Variants in BAHCC1 observed in about 807,000 individuals in gnomAD.
BAHCC1 encodes the protein BAH and coiled-coil domain-containing protein 1.
BAHCC1 carries 43 observed loss-of-function variants against 88.2 expected under a neutral mutation model. The observed-to-expected ratio is 0.49, with a 90% CI of 0.38 to 0.63. The LOEUF is 0.63. Ranked by LOEUF, BAHCC1 falls within the 20% of genes least tolerant of loss-of-function variation. The probability of loss-of-function intolerance (pLI) is 0.00; values close to 1 mark genes in which losing one functional copy is unlikely to be tolerated. For synonymous variants in BAHCC1, 1,510 were observed against 745.5 expected (o/e 2.03, Z -16.71); for missense variants, 3,023 against 1,654.8 (o/e 1.83, Z -14.34).
chr17:81,404,129 G>C (rs782788228), intron 2 of BAHCC1, among the ~76,000 whole-genome samples: 11 of 152,150 alleles, frequency 7.2e-5, no homozygotes, highest in Admixed American at 2.0e-4. Context: ...AGCCCCCACA[G>C]ACAGGACAAA....
At chr17:81,409,421 G>T (rs1281728997) in intron 2 of BAHCC1, among the ~76,000 whole-genome samples, 1 of 152,256 alleles carries the variant, frequency 6.6e-6, no homozygotes, top group Non-Finnish European at 1.5e-5. Flanking sequence ...AAGTGCGTGT[G>T]AATGGAGGGA....
At chr17:81,441,081 A>G (rs1214813659) in intron 4 of BAHCC1, among the ~76,000 whole-genome samples, 1 of 151,470 alleles carries the variant, frequency 6.6e-6, no homozygotes, top group East Asian at 1.9e-4. Context: ...CCGAAAATCC[A>G]CTGCCTGCCC....
chr17:81,424,322 G>C (rs1034903515), intron 2 of BAHCC1, among the ~76,000 whole-genome samples: 37 of 152,362 alleles, frequency 2.4e-4, no homozygotes, highest in Admixed American at 1.8e-3. Context: ...TGACCCTGGT[G>C]CCTCATGTAT....
rs375191474 is a variant in BAHCC1 at position 81,399,128 on chromosome 17, AGTGTGTGTGTGTGTGT to A, written c.-206-396_-206-381del. The A allele has an allele frequency of 8.9e-6, 2 of 224,236 alleles. No homozygotes were observed. The highest frequency in any genetic ancestry group is 5.3e-5 in the African/African-American group (2 of 38,010). The allele number at this position is 224,236 out of a possible 1,614,324, so 13.9% of individuals were successfully genotyped here. The stretch of plus-strand genomic sequence containing the variant: ...GGGGAGGGGAGAGGGTGTGCGTGTG[AGTGTGTGTGTGTGTGT>A]GTGTGTGTGCGAGTGTGCGTGATGG... On this transcript the variant is annotated intron_variant, in intron 1 of 27. Transcript: ENST00000675386. This position sits in a 1 kb window ranked among gnomAD's most constrained non-coding sequence, Gnocchi z 4.5.
intron 3 of BAHCC1, among the ~76,000 whole-genome samples, chr17:81,428,603 A>C (rs1444370819): frequency 6.6e-6 from 1 of 151,940 alleles, no homozygotes; most frequent in Non-Finnish European, 1.5e-5. Flanking sequence ...ACCCTGGGGG[A>C]CCCCAGCAGC....
intron 2 of BAHCC1, among the ~76,000 whole-genome samples, chr17:81,413,742 G>A (rs1274816070): frequency 4.6e-5 from 7 of 152,254 alleles, no homozygotes; most frequent in Admixed American, 6.5e-5. Context: ...GGCTCAGGGC[G>A]CGGGTGCGTG....
intron 14 of BAHCC1, among the ~76,000 whole-genome samples, chr17:81,453,304 C>G (rs1361542325): frequency 6.6e-6 from 1 of 152,270 alleles, no homozygotes. Flanking sequence ...TGGCGCACTC[C>G]CGGGCCTGGT....
At chr17:81,396,459 CAT>C (rs1388915528) in intron 1 of BAHCC1, 1 of 152,090 alleles carries the variant, frequency 6.6e-6, no homozygotes, top group African/African-American at 2.4e-5. Context: ...CCCCAGTTCT[CAT>C]GACTCTCCCA....
chr17:81,457,610 CAG>C lies in BAHCC1; in HGVS notation c.5041+19_5041+20del, dbSNP rs782497435. Reference sequence around the variant, plus strand: ...GTTGCTAGGTAACCAGGAGGGAGGACAGGGGTTGCTAGGTAACCAGGAGGGAG... The same window carrying C: ...GTTGCTAGGTAACCAGGAGGGAGGACGGGTTGCTAGGTAACCAGGAGGGAG... On this transcript the variant is annotated intron_variant, in intron 17 of 27. Coordinates refer to ENST00000675386, the MANE Select transcript of BAHCC1 (RefSeq NM_001377448.1). 1.0e-4 allele frequency: 72 copies of C among 701,314 alleles called. 1 individual carries two copies. The highest frequency in any genetic ancestry group is 6.0e-4 in the African/African-American group (34 of 56,832). The allele number at this position is 701,314 out of a possible 1,614,324, so 43.4% of individuals were successfully genotyped here.
At chr17:81,417,403 G>C (rs1258681917) in intron 2 of BAHCC1, among the ~76,000 whole-genome samples, 2 of 152,102 alleles carry the variant, frequency 1.3e-5, no homozygotes, top group African/African-American at 4.8e-5. Flanking sequence ...GAGCGGGTGA[G>C]AGACATGGGA....
At position 81,462,802 on chromosome 17, in the gene BAHCC1, G is replaced by A. The variant is rs782230733; in HGVS notation, c.7446G>A (p.Glu2482=). 3.8e-6 allele frequency: 3 copies of A among 780,274 alleles called. No homozygotes were observed. The highest frequency in any genetic ancestry group is 1.3e-5 in the South Asian group (1 of 74,608). The allele number at this position is 780,274 out of a possible 1,614,324, so 48.3% of individuals were successfully genotyped here. Residue 2482 remains glutamate, a synonymous_variant, in exon 27 of 28, where the codon GAG becomes GAA. Transcript: ENST00000675386. ...ACAAGGCCATCGTGCGGGGCGAGGA[G>A]ACCCTGCGTGTCGGGGACTGTGCCG... The part of the protein sequence containing the change: ...LFYKAIVRGE[E]TLRVGDCAVF...
intron 16 of BAHCC1, among the ~76,000 whole-genome samples, chr17:81,457,101 C>T (rs1398904432): frequency 2.6e-5 from 4 of 152,006 alleles, no homozygotes; most frequent in Non-Finnish European, 5.9e-5. Flanking sequence ...GCCATCTGGG[C>T]GGAGGACAGC....
chr17:81,460,790 A>G (rs1304918378), intron 25 of BAHCC1, 76 bp from the exon 26 acceptor site: 2 of 772,660 alleles, frequency 2.6e-6, no homozygotes, highest in Non-Finnish European at 4.8e-6. Context: ...TGGGGTAGGC[A>G]GGGTCCGGGG....
At chr17:81,397,587 G>T (rs1313481863) in intron 1 of BAHCC1, among the ~76,000 whole-genome samples, 1 of 151,946 alleles carries the variant, frequency 6.6e-6, no homozygotes, top group African/African-American at 2.4e-5. Context: ...GCCCTCCGGG[G>T]CTCGGGAGGC....
At chr17:81,408,349 C>G (rs1056994279) in intron 2 of BAHCC1, among the ~76,000 whole-genome samples, 1 of 152,068 alleles carries the variant, frequency 6.6e-6, no homozygotes, top group Non-Finnish European at 1.5e-5. Context: ...GCCTGGGGTC[C>G]TAGAGGTTCC....
chr17:81,412,490 C>T (rs993753242), intron 2 of BAHCC1, among the ~76,000 whole-genome samples: 2 of 152,214 alleles, frequency 1.3e-5, no homozygotes, highest in African/African-American at 4.8e-5. Flanking sequence ...TCCAAAGTGC[C>T]TAAGTCTGGA....
Position 81,452,769 on chromosome 17 carries a change from C to T in BAHCC1, c.4363C>T (p.Pro1455Ser). The change falls in exon 14 of 28, where the codon CCG becomes TCG. Residue 1455 changes from proline (P) to serine (S), a missense_variant. Coordinates refer to ENST00000675386, the MANE Select transcript of BAHCC1 (RefSeq NM_001377448.1). ...CCCTGCACGGCGGGGGCCTGGCCGG[C>T]CGAGGAAGCGCAAACACTCAAGCTC... is the stretch of plus-strand genomic sequence containing the variant. ...RSPARRGPGR[P>S]RKRKHSSSLP... 1 of 744,174 alleles carries T rather than the reference C, an allele frequency of 1.3e-6. No individual in the cohort carries two copies. The allele number at this position is 744,174 out of a possible 1,614,324, so 46.1% of individuals were successfully genotyped here. A position where few individuals can be genotyped will look rare whatever the true frequency, so the allele number is the denominator to read the frequency against.
intron 2 of BAHCC1, chr17:81,406,777 G>A (rs1264476240): frequency 8.9e-5 from 37 of 416,280 alleles, no homozygotes; most frequent in African/African-American, 7.4e-4. Flanking sequence ...GCAGGCGCTG[G>A]GGGCAGGCGG....
chr17:81,422,841 G>A (rs1555649756), intron 2 of BAHCC1: 1 of 396,028 alleles, frequency 2.5e-6, no homozygotes, highest in East Asian at 9.0e-5. Flanking sequence ...AGGGTGTGGG[G>A]GTGGGAAGGC....
Sources: gnomAD v4.1 joint callset for allele counts (sites outside exome capture counted in the v4.1 genomes callset) on GRCh38, gnomAD v4.1.1 for gene constraint, Gnocchi (gnomAD v3.1) non-coding constraint, MANE v1.5 for transcripts, NCBI Gene and HGNC (gene_info 2026-07-23, HGNC 2026-07-21) for gene names.